CCDC126: variants seen among roughly 807,000 people sequenced by gnomAD.
CCDC126 encodes the protein coiled-coil domain-containing protein 126.
A neutral mutation model predicts 11.7 loss-of-function variants in CCDC126; 5 were observed. The observed-to-expected ratio is 0.43, with a 90% CI of 0.22 to 0.90. The LOEUF is 0.90. CCDC126 is among the 40% of genes least tolerant of loss of function. The pLI is 0.27. For synonymous variants in CCDC126, 60 were observed against 61.9 expected (o/e 0.97, Z 0.14); for missense variants, 150 against 163.1 (o/e 0.92, Z 0.44).
chr7:23,637,473 G>A (rs1399352111), intron 3 of CCDC126, among the ~76,000 whole-genome samples: 16 of 95,860 alleles, frequency 1.7e-4, no homozygotes, highest in African/African-American at 5.8e-4. Context: ...CCATCCGGGA[G>A]GGAGGTGGGG....
Position 23,611,163 on chromosome 7 carries a change from T to G in CCDC126, c.-145-8T>G. 1.7e-6 allele frequency: 1 copy of G among 596,188 alleles called. No homozygotes were observed. Among genetic ancestry groups the G allele is most frequent in the Non-Finnish European group, 3.0e-6 (1 of 335,120 alleles). 36.9% of individuals were successfully genotyped at this position (596,188 alleles called of 1,614,324 possible). A position where few individuals can be genotyped will look rare whatever the true frequency, so the allele number is the denominator to read the frequency against. On this transcript the variant is annotated splice_polypyrimidine_tract_variant and splice_region_variant and intron_variant, in intron 2 of 3. Transcript: ENST00000307471. ...AGACTAATACTGTTTTTCTTCTTAATTTTACAGAGTTAATAGAGTGGATAC... is the reference window on the plus strand; with the variant it reads ...AGACTAATACTGTTTTTCTTCTTAAGTTTACAGAGTTAATAGAGTGGATAC...
chr7:23,642,784 T>C, intron 3 of CCDC126, 147 bp from the exon 4 acceptor site: 2 of 605,500 alleles, frequency 3.3e-6, no homozygotes, highest in East Asian at 3.1e-5. Flanking sequence ...AAAATTAGGC[T>C]TTTCCTATTT....
chr7:23,627,418 T>A (rs1339607989), intron 3 of CCDC126, among the ~76,000 whole-genome samples: 1 of 151,546 alleles, frequency 6.6e-6, no homozygotes. Context: ...GGTGGGTGGA[T>A]CACTTGAGGT....
chr7:23,621,576 T>G (rs528752615), intron 3 of CCDC126, among the ~76,000 whole-genome samples: 78 of 152,344 alleles, frequency 5.1e-4, no homozygotes, highest in African/African-American at 1.9e-3. Flanking sequence ...TTTATTTCTT[T>G]CTCCTGCCTG....
chr7:23,629,246 C>T (rs1409348914), intron 3 of CCDC126, among the ~76,000 whole-genome samples: 1 of 152,166 alleles, frequency 6.6e-6, no homozygotes. Context: ...GGACTCTACC[C>T]TTATGAATGG....
chr7:23,641,310 A>G (rs959133410), intron 3 of CCDC126, among the ~76,000 whole-genome samples: 14 of 152,172 alleles, frequency 9.2e-5, no homozygotes, highest in African/African-American at 3.1e-4. Flanking sequence ...CATCTTCTTT[A>G]GAGAGTATCT....
rs770852083 is a variant in CCDC126, at chr7:23,611,563, C to T, written c.238+10C>T. 3 of 1,560,884 alleles carry T rather than the reference C, an allele frequency of 1.9e-6. No individual in the cohort carries two copies. Among genetic ancestry groups the T allele is most frequent in the South Asian group, 1.1e-5 (1 of 89,500 alleles). ...TCTATGGCAGGATATGGTAAGATAA[C>T]CGTAGAATATTTCTAGTTTCCTCCA... On this transcript the variant is annotated intron_variant, in intron 3 of 3. Coordinates refer to ENST00000307471, the MANE Select transcript of CCDC126 (RefSeq NM_138771.4).
At chr7:23,601,524 C>G (rs1362008173) in intron 2 of CCDC126, among the ~76,000 whole-genome samples, 1 of 152,162 alleles carries the variant, frequency 6.6e-6, no homozygotes, top group Non-Finnish European at 1.5e-5. Flanking sequence ...TTGCTCATTG[C>G]AAACTGTTGA....
intron 2 of CCDC126, among the ~76,000 whole-genome samples, chr7:23,608,438 C>T (rs541822841): frequency 5.3e-5 from 8 of 152,292 alleles, no homozygotes; most frequent in Admixed American, 5.2e-4. Flanking sequence ...AACACAAATT[C>T]ATAAACTTTC....
At position 23,597,431 on chromosome 7, in the gene CCDC126, C is replaced by T. The variant is rs1344543567; in HGVS notation, c.-405C>T. Reference sequence around the variant, plus strand: ...AGGGACGAGCGGAGTAAAATCTCCACAAGCTGGGAACAAACCTCGTCCCAA... The same window carrying T: ...AGGGACGAGCGGAGTAAAATCTCCATAAGCTGGGAACAAACCTCGTCCCAA... On this transcript the variant is annotated 5_prime_UTR_variant, in exon 1 of 4. Coordinates refer to ENST00000307471, the MANE Select transcript of CCDC126 (RefSeq NM_138771.4). The T allele has an allele frequency of 6.6e-6, 1 of 152,382 alleles. No homozygotes were observed. Among genetic ancestry groups the T allele is most frequent in the Non-Finnish European group, 1.5e-5 (1 of 68,184 alleles). The allele number at this position is 152,382 out of a possible 1,614,324, so 9.4% of individuals were successfully genotyped here.
rs765111106 is a variant in CCDC126, at chr7:23,597,422, A to G, written c.-414A>G. On this transcript the variant is annotated 5_prime_UTR_variant, in exon 1 of 4. Coordinates refer to ENST00000307471, the MANE Select transcript of CCDC126 (RefSeq NM_138771.4). ...CCGAGTGCGAGGGACGAGCGGAGTA[A>G]AATCTCCACAAGCTGGGAACAAACC... is the stretch of plus-strand genomic sequence containing the variant. 6.6e-6 allele frequency: 1 copy of G among 152,372 alleles called. No homozygotes were observed. Among genetic ancestry groups the G allele is most frequent in the Non-Finnish European group, 1.5e-5 (1 of 68,234 alleles). 9.4% of individuals were successfully genotyped at this position (152,372 alleles called of 1,614,324 possible).
chr7:23,599,366 C>G (rs1005155730), intron 2 of CCDC126, among the ~76,000 whole-genome samples: 1 of 152,138 alleles, frequency 6.6e-6, no homozygotes, highest in Non-Finnish European at 1.5e-5. Flanking sequence ...GAGATGCTAG[C>G]CTAGTTGGCT....
chr7:23,604,260 G>C (rs1336153037), intron 2 of CCDC126: 1 of 152,192 alleles, frequency 6.6e-6, no homozygotes, highest in East Asian at 1.9e-4. Context: ...TTAACTGAAT[G>C]AGAGGATGTC....
At chr7:23,617,504 G>A (rs1037420775) in intron 3 of CCDC126, among the ~76,000 whole-genome samples, 4 of 152,154 alleles carry the variant, frequency 2.6e-5, no homozygotes, top group East Asian at 3.9e-4. Context: ...TGAGAAATGA[G>A]GCACTAAAAG....
intron 3 of CCDC126, among the ~76,000 whole-genome samples, chr7:23,615,810 T>C (rs552823319): frequency 2.0e-5 from 3 of 152,354 alleles, no homozygotes; most frequent in South Asian, 2.1e-4. Flanking sequence ...TGCTGTCTTA[T>C]ATAGATAGAA....
At chr7:23,598,396 A>G (rs1286699307) in intron 2 of CCDC126, 2 of 152,196 alleles carry the variant, frequency 1.3e-5, no homozygotes, top group East Asian at 3.8e-4. Flanking sequence ...TCTTCACTTT[A>G]TCTTAAACCT....
At chr7:23,598,220 C>T (rs995965199) in intron 2 of CCDC126, 169 bp downstream of exon 2, 2 of 152,158 alleles carry the variant, frequency 1.3e-5, no homozygotes, top group African/African-American at 4.8e-5. Context: ...AAAACACACA[C>T]CTGTAAGTGG....
intron 2 of CCDC126, 89 bp downstream of exon 2, chr7:23,598,140 G>T (rs1177884909): frequency 6.6e-6 from 1 of 152,224 alleles, no homozygotes; most frequent in Non-Finnish European, 1.5e-5. Context: ...TCCTGCCTGG[G>T]TTTCTCTCAC....
chr7:23,632,187 A>G (rs1783127748), intron 3 of CCDC126, among the ~76,000 whole-genome samples: 1 of 146,002 alleles, frequency 6.8e-6, no homozygotes, highest in African/African-American at 2.6e-5. Flanking sequence ...TCTGCCTCCC[A>G]GGTTCAAGTG....
Sources: gnomAD v4.1 joint callset for allele counts (sites outside exome capture counted in the v4.1 genomes callset) on GRCh38, gnomAD v4.1.1 for gene constraint, MANE v1.5 for transcripts, NCBI Gene and HGNC (gene_info 2026-07-23, HGNC 2026-07-21) for gene names.